MYO3B: variants seen among roughly 807,000 people sequenced by gnomAD.
The protein encoded by MYO3B is myosin-IIIb.
In MYO3B, 156 loss-of-function variants were observed where a neutral mutation model predicts 174.6. The observed-to-expected ratio is 0.89, with a 90% confidence interval of 0.78 to 1.02. MYO3B has a LOEUF of 1.02. Ranked by LOEUF, MYO3B falls within the 50% of genes least tolerant of loss-of-function variation. MYO3B has a pLI of 0.00. For missense variants in MYO3B, 1,632 were observed against 1,639.4 expected (o/e 1.00, Z 0.08); for synonymous variants, 563 against 569.1 (o/e 0.99, Z 0.15).
chr2:170,332,868 G>A (rs1475442407), intron 7 of MYO3B, among the ~76,000 whole-genome samples: 4 of 152,186 alleles, frequency 2.6e-5, no homozygotes, highest in African/African-American at 7.2e-5. Context: ...TACTAAAGTG[G>A]ATATTCACCA....
At chr2:170,580,328 T>C (rs1368109275) in intron 32 of MYO3B, among the ~76,000 whole-genome samples, 1 of 152,230 alleles carries the variant, frequency 6.6e-6, no homozygotes, top group African/African-American at 2.4e-5. Flanking sequence ...TATAATTTTA[T>C]ATTCCTTTTC....
intron 28 of MYO3B, among the ~76,000 whole-genome samples, chr2:170,513,212 A>G (rs1186376636): frequency 6.6e-6 from 1 of 152,142 alleles, no homozygotes; most frequent in Non-Finnish European, 1.5e-5. Flanking sequence ...TTAGATTCCT[A>G]GGGCTGCCAT....
intron 7 of MYO3B, among the ~76,000 whole-genome samples, chr2:170,256,402 T>G (rs1022988926): frequency 1.3e-5 from 2 of 152,122 alleles, no homozygotes; most frequent in African/African-American, 4.8e-5. Context: ...TCAGACCACT[T>G]ACAAAGGGAA....
At chr2:170,569,307 C>A (rs1488317658) in intron 32 of MYO3B, among the ~76,000 whole-genome samples, 1 of 152,062 alleles carries the variant, frequency 6.6e-6, no homozygotes, top group Non-Finnish European at 1.5e-5. Context: ...AAAAAAAAGT[C>A]TACTTCCAGC....
At chr2:170,226,062 T>C (rs2092948993) in intron 6 of MYO3B, among the ~76,000 whole-genome samples, 1 of 152,232 alleles carries the variant, frequency 6.6e-6, no homozygotes, top group Admixed American at 6.5e-5. Context: ...ATGGCTCTGA[T>C]GTTCCACAAG....
At chr2:170,200,545 A>G (rs2092650347) in intron 3 of MYO3B, among the ~76,000 whole-genome samples, 2 of 152,230 alleles carry the variant, frequency 1.3e-5, no homozygotes, top group South Asian at 4.1e-4. Context: ...TATAATTGAA[A>G]ACATTAATTT....
intron 25 of MYO3B, among the ~76,000 whole-genome samples, chr2:170,475,540 C>CTTATTCT (rs1300499359): frequency 6.6e-6 from 1 of 152,196 alleles, no homozygotes; most frequent in African/African-American, 2.4e-5. Flanking sequence ...CAGGTGTGAG[C>CTTATTCT]CACCACGTCC....
intron 7 of MYO3B, among the ~76,000 whole-genome samples, chr2:170,254,252 G>C (rs2093283208): frequency 6.6e-6 from 1 of 152,204 alleles, no homozygotes; most frequent in Non-Finnish European, 1.5e-5. Flanking sequence ...GCTGCCTGTA[G>C]AGTAGACAGA....
At chr2:170,397,504 G>A (rs779533289) in intron 16 of MYO3B, among the ~76,000 whole-genome samples, 7 of 152,194 alleles carry the variant, frequency 4.6e-5, no homozygotes, top group Non-Finnish European at 1.0e-4. Flanking sequence ...TATAGAAAAT[G>A]TAAGTTTTTA....
intron 16 of MYO3B, among the ~76,000 whole-genome samples, chr2:170,395,082 A>T (rs2094435986): frequency 6.6e-6 from 1 of 152,186 alleles, no homozygotes; most frequent in Non-Finnish European, 1.5e-5. Context: ...GTGTGGAGTC[A>T]GGAGCATGAA....
chr2:170,409,811 T>G (rs1423512424), intron 22 of MYO3B, among the ~76,000 whole-genome samples: 1 of 152,264 alleles, frequency 6.6e-6, no homozygotes, highest in African/African-American at 2.4e-5. Flanking sequence ...ATTTATCTCC[T>G]TATGACAATA....
At chr2:170,414,113 GTTA>G (rs1174568924) in intron 22 of MYO3B, among the ~76,000 whole-genome samples, 1 of 152,146 alleles carries the variant, frequency 6.6e-6, no homozygotes. Flanking sequence ...AAATCAATTG[GTTA>G]TTATTTATGT....
At chr2:170,466,301 A>G (rs139946536) in intron 24 of MYO3B, among the ~76,000 whole-genome samples, 147 of 152,328 alleles carry the variant, frequency 9.7e-4, no homozygotes, top group African/African-American at 3.1e-3. Context: ...ATTGCTTGGC[A>G]CTAGGTGATG....
chr2:170,627,321 C>A (rs544340532), intron 32 of MYO3B, among the ~76,000 whole-genome samples: 1 of 152,050 alleles, frequency 6.6e-6, no homozygotes, highest in Admixed American at 6.6e-5. Context: ...TCATTGATAC[C>A]CTTTCTTCCA....
rs775274088 is a variant in MYO3B, at chr2:170,401,553, G to T, written c.1991G>T (p.Gly664Val). The T allele has an allele frequency of 3.7e-6, 6 of 1,614,166 alleles. No individual in the cohort carries two copies. In the East Asian group the frequency reaches 1.3e-4, roughly 36 times the overall value. Residue 664 changes from glycine (G) to valine (V), a missense_variant, in exon 18 of 35, where the codon GGC becomes GTC. Gly to Val is a moderately radical substitution (Grantham distance 109). Transcript: ENST00000408978. ...ACCTCCCACTGTGTGGTCACCCGGGGCGAGACCATCATCCGTGCCAACACT... is the reference window on the plus strand; with the variant it reads ...ACCTCCCACTGTGTGGTCACCCGGGTCGAGACCATCATCCGTGCCAACACT... Reference protein sequence around the residue: ...ALTSHCVVTRGETIIRANTVD... With the variant: ...ALTSHCVVTRVETIIRANTVD...
At chr2:170,637,695 C>G (rs535724525) in intron 32 of MYO3B, among the ~76,000 whole-genome samples, 11 of 152,270 alleles carry the variant, frequency 7.2e-5, no homozygotes, top group African/African-American at 2.6e-4. Context: ...CTCTGTGACC[C>G]TGAAGAACTG....
At chr2:170,247,001 T>TCTCA (rs906238619) in intron 7 of MYO3B, among the ~76,000 whole-genome samples, 1 of 152,170 alleles carries the variant, frequency 6.6e-6, no homozygotes, top group African/African-American at 2.4e-5. Flanking sequence ...ACTTGGCAGT[T>TCTCA]CTCAGTCTGC....
At chr2:170,378,637 C>G (rs2094311901) in intron 9 of MYO3B, among the ~76,000 whole-genome samples, 1 of 152,216 alleles carries the variant, frequency 6.6e-6, no homozygotes, top group African/African-American at 2.4e-5. Flanking sequence ...AGCACACAAT[C>G]TCCTTCAGGC....
At chr2:170,362,695 C>G (rs571529253) in intron 8 of MYO3B, among the ~76,000 whole-genome samples, 1 of 152,304 alleles carries the variant, frequency 6.6e-6, no homozygotes, top group East Asian at 1.9e-4. Flanking sequence ...CTTCCCCACC[C>G]CAAATGTGAA....
Sources: gnomAD v4.1 joint callset for allele counts (sites outside exome capture counted in the v4.1 genomes callset) on GRCh38, gnomAD v4.1.1 for gene constraint, MANE v1.5 for transcripts, NCBI Gene and HGNC (gene_info 2026-07-23, HGNC 2026-07-21) for gene names.